Variants in COLEC11 observed in about 807,000 individuals in gnomAD.
COLEC11 encodes the protein collectin subfamily member 11.
A neutral mutation model predicts 27.3 loss-of-function variants in COLEC11; 20 were observed. That is an observed-to-expected ratio of 0.73 (90% CI 0.51 to 1.06). The LOEUF (loss-of-function observed/expected upper bound fraction) is 1.06. Ranked by LOEUF, COLEC11 falls within the 50% of genes least tolerant of loss-of-function variation. The pLI, the probability that COLEC11 is intolerant of heterozygous loss-of-function variation, is 0.00. For missense variants in COLEC11, 310 were observed against 383.0 expected (o/e 0.81, Z 1.59); for synonymous variants, 163 against 154.7 (o/e 1.05, Z -0.40).
chr2:3,609,765 G>A (rs1267377514), intron 2 of COLEC11, among the ~76,000 whole-genome samples: 1 of 152,120 alleles, frequency 6.6e-6, no homozygotes, highest in Non-Finnish European at 1.5e-5. Flanking sequence ...CTTGACCTCA[G>A]GTGATCCACC....
intron 3 of COLEC11, among the ~76,000 whole-genome samples, chr2:3,636,655 C>A (rs1175147921): frequency 2.0e-5 from 3 of 152,140 alleles, no homozygotes; most frequent in Admixed American, 6.5e-5. Flanking sequence ...TCCCTATGTA[C>A]TTGTTTGATG....
chr2:3,629,207 T>C (rs1291905526), intron 3 of COLEC11, among the ~76,000 whole-genome samples: 14 of 152,222 alleles, frequency 9.2e-5, no homozygotes, highest in Admixed American at 9.2e-4. Flanking sequence ...ATAAGTCAGC[T>C]ACAGAAAAGG....
In COLEC11 at chr2:3,603,423, TCTC is replaced by T. The variant is rs951679548; in HGVS notation, c.-26-889_-26-887del. On this transcript the variant is annotated intron_variant, in intron 1 of 6. Coordinates refer to ENST00000349077, the MANE Select transcript of COLEC11 (RefSeq NM_024027.5). ...CCTCCGCCTCCTGGGTTCAAGCAGT[TCTC>T]CTGCCTCAGCCTCCCAAGTAGCTGG... The T allele has an allele frequency of 1.1e-5, 6 of 538,076 alleles. No homozygotes were observed. The Admixed American group carries it at 1.4e-4, about 12-fold the overall frequency. 33.3% of individuals were successfully genotyped at this position (538,076 alleles called of 1,614,324 possible). A position where few individuals can be genotyped will look rare whatever the true frequency, so the allele number is the denominator to read the frequency against.
Position 3,640,317 on chromosome 2 carries a change from C to T in COLEC11, c.314C>T (p.Pro105Leu), listed in dbSNP as rs1050579201. ...GDSGDIGPPG[P>L]NGEPGLPCEC... ...TCCGGTGACATAGGACCCCCTGGTC[C>T]TAATGGAGAACCAGGTATGGCATAA... The change falls in exon 5 of 7, where the codon CCT becomes CTT. Residue 105 changes from proline (P) to leucine (L), a missense_variant. Coordinates refer to ENST00000349077, the MANE Select transcript of COLEC11 (RefSeq NM_024027.5). 3.8e-6 allele frequency: 6 copies of T among 1,593,932 alleles called. No individual in the cohort carries two copies. The highest frequency in any genetic ancestry group is 5.2e-6 in the Non-Finnish European group (6 of 1,161,828).
Position 3,640,283 on chromosome 2 carries a change from A to C in COLEC11, c.280A>C (p.Lys94Gln). The change falls in exon 5 of 7, where the codon AAA becomes CAA. Residue 94 changes from lysine (K) to glutamine (Q), a missense_variant. Physicochemically the swap from Lys to Gln is moderately conservative, Grantham distance 53. Transcript: ENST00000349077. ...ACCTTGTTTTTTATTTTCAGGTGAG[A>C]AAGGAGATTCCGGTGACATAGGACC... is the stretch of plus-strand genomic sequence containing the variant. ...KIGPIGSKGE[K>Q]GDSGDIGPPG... 1 of 1,598,000 alleles carries C rather than the reference A, an allele frequency of 6.3e-7. No homozygotes were observed. Among genetic ancestry groups the C allele is most frequent in the Non-Finnish European group, 8.6e-7 (1 of 1,165,338 alleles).
intron 1 of COLEC11, among the ~76,000 whole-genome samples, chr2:3,598,345 TGGAAACAC>T (rs769982542): frequency 2.6e-5 from 4 of 152,234 alleles, no homozygotes; most frequent in East Asian, 1.9e-4. Context: ...AATAAAGATT[TGGAAACAC>T]GGAAACACCA....
intron 3 of COLEC11, among the ~76,000 whole-genome samples, chr2:3,628,837 G>T (rs910851694): frequency 1.3e-5 from 2 of 152,218 alleles, no homozygotes; most frequent in Non-Finnish European, 2.9e-5. Flanking sequence ...ATCCTCATGC[G>T]TGTCCAGAGG....
At chr2:3,605,004 G>A (rs755338499) in intron 2 of COLEC11, 22 of 469,076 alleles carry the variant, frequency 4.7e-5, no homozygotes, top group Non-Finnish European at 9.3e-5. Context: ...ATCTGCTCCC[G>A]GATAGAGATA....
intron 3 of COLEC11, chr2:3,617,751 C>A (rs1429521474): frequency 1.6e-6 from 2 of 1,264,392 alleles, no homozygotes; most frequent in Non-Finnish European, 2.3e-6. Flanking sequence ...GTGGCCACCA[C>A]TGAGTTGTCG....
rs1279482206 is a variant in COLEC11 at position 3,602,588 on chromosome 2, T to C, written c.-26-1727T>C. ...CTGTGCTGTTGTGGTCACCCTGGCT[T>C]GGTCTCCTTGCTTCCGTTGCTGTTC... On this transcript the variant is annotated intron_variant, in intron 1 of 6. Coordinates refer to ENST00000349077, the MANE Select transcript of COLEC11 (RefSeq NM_024027.5). This position sits in a 1 kb window ranked among gnomAD's most constrained non-coding sequence, Gnocchi z 6.2. Among the ~76,000 whole-genome samples the C allele has an allele frequency of 1.3e-5, 2 of 152,216 alleles. No homozygotes were observed. Among genetic ancestry groups the C allele is most frequent in the Admixed American group, 1.3e-4 (2 of 15,282 alleles).
At chr2:3,642,846 T>C (rs10185914) in intron 5 of COLEC11, among the ~76,000 whole-genome samples, 32,826 of 152,162 alleles carry the variant, frequency 0.22, 9,558 homozygotes, top group African/African-American at 0.67. Context: ...GTGATGCTGC[T>C]CTGTCCTCCC....
At chr2:3,629,587 T>C (rs748909878) in intron 3 of COLEC11, among the ~76,000 whole-genome samples, 13 of 152,216 alleles carry the variant, frequency 8.5e-5, no homozygotes, top group Non-Finnish European at 1.8e-4. Flanking sequence ...TGCATATGTA[T>C]ATGTACCTGT....
chr2:3,607,861 A>G lies in COLEC11; in HGVS notation c.130+3391A>G, dbSNP rs538237765. On this transcript the variant is annotated intron_variant, in intron 2 of 6. Coordinates refer to ENST00000349077, the MANE Select transcript of COLEC11 (RefSeq NM_024027.5). The stretch of plus-strand genomic sequence containing the variant: ...GGGAGGTTTGCTCTTCTGACACCTG[A>G]CGGCCTGTCTGTGCCGTCTCCCCTT... 1.9e-4 allele frequency among the ~76,000 whole-genome samples: 29 copies of G among 152,336 alleles called. No homozygotes were observed. The South Asian group carries it at 2.3e-3, about 12-fold the overall frequency.
chr2:3,624,345 C>CATCA lies in COLEC11; in HGVS notation c.202+10964_202+10967dup, dbSNP rs141704221. Among the ~76,000 whole-genome samples the CATCA allele has an allele frequency of 6.8e-3, 1,031 of 152,278 alleles. 7 individuals carry two copies. The highest frequency in any genetic ancestry group is 0.024 in the African/African-American group (986 of 41,550). On this transcript the variant is annotated intron_variant, in intron 3 of 6. Transcript: ENST00000349077. ...GGATGGTTCACAGGAAAGGCGTCTC[C>CATCA]ATCAGCTTGTTGGGGGGCTTCCTAA...
chr2:3,612,951 C>T (rs890471798), intron 2 of COLEC11, among the ~76,000 whole-genome samples: 2 of 145,194 alleles, frequency 1.4e-5, no homozygotes, highest in Non-Finnish European at 2.9e-5. Context: ...CCCATGGGGG[C>T]GCCTGGAGAC....
At chr2:3,643,561 C>T (rs1214562398) in intron 6 of COLEC11, 22 bp downstream of exon 6, 1 of 1,607,686 alleles carries the variant, frequency 6.2e-7, no homozygotes, top group South Asian at 1.1e-5. Flanking sequence ...CCGGCGCCGC[C>T]CTCGCTCCCT....
chr2:3,607,245 T>C (rs929570750), intron 2 of COLEC11, among the ~76,000 whole-genome samples: 8 of 152,130 alleles, frequency 5.3e-5, no homozygotes, highest in Non-Finnish European at 1.0e-4. Context: ...TAATATATTA[T>C]CTTTACATTT....
rs1054263542 is a variant in COLEC11, at chr2:3,633,010, G to A, written c.203-4523G>A. ...CACCTGGAAAAGATGGGGAGGGCGC[G>A]AGGGGCTTCCTCCCCACCTGGGAGC... On this transcript the variant is annotated intron_variant, in intron 3 of 6. Transcript: ENST00000349077. Among the ~76,000 whole-genome samples the A allele has an allele frequency of 1.1e-4, 17 of 152,344 alleles. No individual in the cohort carries two copies. The East Asian group carries it at 1.2e-3, about 10-fold the overall frequency.
intron 3 of COLEC11, among the ~76,000 whole-genome samples, chr2:3,628,159 T>G (rs1280620801): frequency 6.6e-6 from 1 of 152,234 alleles, no homozygotes; most frequent in African/African-American, 2.4e-5. Flanking sequence ...ATCCTGAGGT[T>G]TCATATCTTC....
Sources: allele counts gnomAD v4.1 joint callset (sites outside exome capture counted in the v4.1 genomes callset), GRCh38; gene constraint gnomAD v4.1.1; non-coding constraint Gnocchi (gnomAD v3.1); transcripts MANE v1.5; gene names NCBI Gene and HGNC (gene_info 2026-07-23, HGNC 2026-07-21).